Variants in EMCN observed in about 807,000 individuals in gnomAD.
EMCN encodes the protein endomucin.
In EMCN, 37 loss-of-function variants were observed where a neutral mutation model predicts 38.4. The observed-to-expected ratio is 0.96, with a 90% CI of 0.74 to 1.27. EMCN has a LOEUF of 1.27. Ranked by LOEUF, EMCN falls within the 50% of genes most tolerant of loss-of-function variation. EMCN has a pLI of 0.00. For missense variants in EMCN, 318 were observed against 302.8 expected, an observed-to-expected ratio of 1.05 and a Z score of -0.37; for synonymous variants, 95 against 100.8, an observed-to-expected ratio of 0.94 and a Z score of 0.35.
In EMCN at chr4:100,499,488, C is replaced by G. The variant is rs114486882; in HGVS notation, c.64+18363G>C. On this transcript the variant is annotated intron_variant, in intron 1 of 11. Coordinates refer to ENST00000296420, the MANE Select transcript of EMCN (RefSeq NM_016242.4). Reference sequence around the variant, plus strand: ...TAAGATGTTTACATTTTTTAATTACCTTTTCTGCCCTGAATTAGATGGGAT... The same window carrying G: ...TAAGATGTTTACATTTTTTAATTACGTTTTCTGCCCTGAATTAGATGGGAT... Among the ~76,000 whole-genome samples, 760 of 152,168 alleles carry G rather than the reference C, an allele frequency of 5.0e-3. 5 individuals carry two copies. The highest frequency in any genetic ancestry group is 7.5e-3 in the Non-Finnish European group (509 of 67,994).
intron 1 of EMCN, among the ~76,000 whole-genome samples, chr4:100,482,838 C>T (rs1363701137): frequency 6.6e-6 from 1 of 152,084 alleles, no homozygotes; most frequent in East Asian, 1.9e-4. Context: ...TTATTAATGT[C>T]CTCTGCCCTT....
At chr4:100,431,235 AG>A (rs1344175479) in intron 5 of EMCN, among the ~76,000 whole-genome samples, 5 of 152,316 alleles carry the variant, frequency 3.3e-5, no homozygotes, top group African/African-American at 1.2e-4. Context: ...AAAGTAAAAA[AG>A]ATATGTATGA....
At chr4:100,405,093 A>T (rs1726357449) in intron 11 of EMCN, among the ~76,000 whole-genome samples, 1 of 152,098 alleles carries the variant, frequency 6.6e-6, no homozygotes, top group Non-Finnish European at 1.5e-5. Flanking sequence ...GAAGTTGTTT[A>T]TCAGAGCTAG....
In EMCN at chr4:100,416,990, A is replaced by G. The variant is rs1726754180; in HGVS notation, c.689+127T>C. On this transcript the variant is annotated intron_variant, in intron 9 of 11. Coordinates refer to ENST00000296420, the MANE Select transcript of EMCN (RefSeq NM_016242.4). ...TGTTAAATGGAGAGAGCTCTGACAA[A>G]CAGTTAAAGCCAATATGTAGATTTT... The G allele has an allele frequency of 3.4e-6, 3 of 892,398 alleles. No individual in the cohort carries two copies. In the East Asian group the frequency reaches 7.5e-5, roughly 22 times the overall value. The allele number at this position is 892,398 out of a possible 1,614,324, so 55.3% of individuals were successfully genotyped here. A position where few individuals can be genotyped will look rare whatever the true frequency, so the allele number is the denominator to read the frequency against.
chr4:100,417,883 G>C (rs1271366143), intron 8 of EMCN, among the ~76,000 whole-genome samples: 2 of 152,168 alleles, frequency 1.3e-5, no homozygotes, highest in African/African-American at 4.8e-5. Context: ...GGTTCCCCTT[G>C]TTGTGCTCCT....
intron 9 of EMCN, among the ~76,000 whole-genome samples, chr4:100,416,523 A>G (rs886895435): frequency 1.3e-5 from 2 of 152,220 alleles, no homozygotes; most frequent in Non-Finnish European, 2.9e-5. Flanking sequence ...TCTCTAAGTC[A>G]TATGAATAGT....
chr4:100,465,687 C>A, intron 3 of EMCN, 148 bp from the exon 4 acceptor site: 2 of 468,062 alleles, frequency 4.3e-6, no homozygotes, highest in Non-Finnish European at 7.6e-6. Flanking sequence ...TAACATTCAC[C>A]TTTTGGTGAT....
At chr4:100,475,659 C>CTTTTTTT (rs869169290) in intron 2 of EMCN, among the ~76,000 whole-genome samples, 4 of 60,316 alleles carry the variant, frequency 6.6e-5, no homozygotes, top group African/African-American at 3.4e-4. Flanking sequence ...AATTCTAGTC[C>CTTTTTTT]TTTTTTTTTT....
chr4:100,430,249 C>A (rs762308543), intron 5 of EMCN, among the ~76,000 whole-genome samples: 79 of 151,950 alleles, frequency 5.2e-4, no homozygotes, highest in Admixed American at 1.4e-3. Context: ...TGCCCAGGGC[C>A]CCACAGTAAG....
At chr4:100,498,863 T>G (rs1444343817) in intron 1 of EMCN, among the ~76,000 whole-genome samples, 1 of 152,250 alleles carries the variant, frequency 6.6e-6, no homozygotes. Flanking sequence ...GATATAAACA[T>G]TAATTATTTA....
rs1225572191 is a variant in EMCN at position 100,396,567 on chromosome 4, G to C, written c.*1846C>G. The C allele has an allele frequency of 1.0e-5, 1 of 98,904 alleles. No homozygotes were observed. The allele number at this position is 98,904 out of a possible 1,614,324, so 6.1% of individuals were successfully genotyped here. On this transcript the variant is annotated 3_prime_UTR_variant, in exon 12 of 12. Coordinates refer to ENST00000296420, the MANE Select transcript of EMCN (RefSeq NM_016242.4). The stretch of plus-strand genomic sequence containing the variant: ...TTTTTTTTTTTTTTTTTTTGAGACA[G>C]AGTCTTGCTGTGTCACCCAGGCTGG...
intron 3 of EMCN, among the ~76,000 whole-genome samples, chr4:100,465,949 G>A (rs1170250105): frequency 6.6e-6 from 1 of 152,100 alleles, no homozygotes; most frequent in African/African-American, 2.4e-5. Flanking sequence ...GAAAAGAAAG[G>A]TAAGGATGTG....
At chr4:100,426,700 C>T (rs1288985232) in intron 5 of EMCN, among the ~76,000 whole-genome samples, 3 of 152,126 alleles carry the variant, frequency 2.0e-5, no homozygotes, top group African/African-American at 7.2e-5. Context: ...AAGACTTGGG[C>T]ACTGGTTCAT....
chr4:100,475,064 G>T lies in EMCN; in HGVS notation c.233C>A (p.Ala78Asp). 1 of 1,538,694 alleles carries T rather than the reference G, an allele frequency of 6.5e-7. No individual in the cohort carries two copies. The highest frequency in any genetic ancestry group is 8.8e-7 in the Non-Finnish European group (1 of 1,132,952). ...TTCATCTTTACTTGTTAAAAAAGTA[G>T]CTGTTGACATCAGAGACATTTTAAG... ...ELLKMSLMST[A>D]TFLTSKDEGL... The change falls in exon 3 of 12, where the codon GCT becomes GAT. Residue 78 changes from alanine (A) to aspartate (D), a missense_variant. Transcript: ENST00000296420.
chr4:100,421,190 T>A, intron 8 of EMCN, 92 bp downstream of exon 8: 1 of 1,115,420 alleles, frequency 9.0e-7, no homozygotes, highest in Non-Finnish European at 1.3e-6. Flanking sequence ...TTTCTTTCTA[T>A]AACTTTTCTC....
At chr4:100,474,643 A>G (rs1172519646) in intron 3 of EMCN, among the ~76,000 whole-genome samples, 4 of 152,254 alleles carry the variant, frequency 2.6e-5, no homozygotes, top group African/African-American at 7.2e-5. Context: ...TGGTATATCC[A>G]TACAATGCAA....
chr4:100,505,614 ACTTTTGAGGAACC>A (rs1729461883), intron 1 of EMCN, among the ~76,000 whole-genome samples: 1 of 152,072 alleles, frequency 6.6e-6, no homozygotes, highest in South Asian at 2.1e-4. Flanking sequence ...TGAAAAGTGC[ACTTTTGAGGAACC>A]CTTGAAAATA....
intron 8 of EMCN, 92 bp from the exon 9 acceptor site, chr4:100,417,233 C>A (rs1256116503): frequency 8.3e-6 from 9 of 1,084,316 alleles, no homozygotes; most frequent in African/African-American, 1.6e-5. Context: ...CTGCTGTCCA[C>A]TCTTTTCTAT....
chr4:100,441,227 C>T (rs1396858919), intron 5 of EMCN, among the ~76,000 whole-genome samples: 1 of 152,052 alleles, frequency 6.6e-6, no homozygotes, highest in Non-Finnish European at 1.5e-5. Context: ...ATTGTAATGT[C>T]CTGTTGATAC....
Sources: allele counts gnomAD v4.1 joint callset (sites outside exome capture counted in the v4.1 genomes callset), GRCh38; gene constraint gnomAD v4.1.1; transcripts MANE v1.5; gene names NCBI Gene and HGNC (gene_info 2026-07-23, HGNC 2026-07-21).